The following SCAPER variants were observed in gnomAD, a reference collection of about 807,000 sequenced individuals.
SCAPER encodes the protein S phase cyclin A-associated protein in the endoplasmic reticulum.
Under a neutral mutation model 182.2 loss-of-function variants are expected in SCAPER, and 98 were observed. That is an observed-to-expected ratio of 0.54 (90% CI 0.46 to 0.64). SCAPER has a LOEUF of 0.64. SCAPER is among the 30% of genes least tolerant of loss of function. SCAPER has a pLI of 0.00. For synonymous variants in SCAPER, 605 were observed against 564.6 expected (o/e 1.07, Z -1.01); for missense variants, 1,432 against 1,690.0 (o/e 0.85, Z 2.68).
At chr15:76,825,767 C>T (rs1016676928) in intron 5 of SCAPER, among the ~76,000 whole-genome samples, 1 of 152,086 alleles carries the variant, frequency 6.6e-6, no homozygotes, top group Non-Finnish European at 1.5e-5. Flanking sequence ...TTTTTTGAGA[C>T]AGAGTCTCGC....
intron 20 of SCAPER, among the ~76,000 whole-genome samples, chr15:76,674,502 G>C (rs1316394326): frequency 6.6e-6 from 1 of 152,134 alleles, no homozygotes; most frequent in African/African-American, 2.4e-5. Flanking sequence ...CCATGTGACT[G>C]AGTACTCATC....
chr15:76,392,420 G>A (rs1453536044), intron 27 of SCAPER, among the ~76,000 whole-genome samples: 6 of 152,154 alleles, frequency 3.9e-5, no homozygotes, highest in Non-Finnish European at 8.8e-5. Flanking sequence ...ATTTTCATAT[G>A]TGAACAACAG....
chr15:76,608,528 C>T (rs1597657558), intron 22 of SCAPER, among the ~76,000 whole-genome samples: 1 of 152,280 alleles, frequency 6.6e-6, no homozygotes, highest in Non-Finnish European at 1.5e-5. Context: ...GGGAGAACCA[C>T]TACTCTCTTT....
intron 20 of SCAPER, among the ~76,000 whole-genome samples, chr15:76,667,054 G>T (rs1468159597): frequency 1.3e-5 from 2 of 152,028 alleles, no homozygotes; most frequent in African/African-American, 4.8e-5. Flanking sequence ...CTATCCTTTT[G>T]TACCAAAATT....
intron 5 of SCAPER, among the ~76,000 whole-genome samples, chr15:76,808,520 G>A (rs1473923852): frequency 6.6e-6 from 1 of 152,114 alleles, no homozygotes; most frequent in Non-Finnish European, 1.5e-5. Flanking sequence ...AAACAGGTAG[G>A]GCTCCAGCAG....
chr15:76,466,279 C>G (rs1191750155), intron 25 of SCAPER, among the ~76,000 whole-genome samples: 3 of 151,584 alleles, frequency 2.0e-5, no homozygotes, highest in African/African-American at 7.3e-5. Context: ...CTTTTTGTTC[C>G]TCTGGGTGGA....
chr15:76,771,683 G>A, intron 10 of SCAPER, 59 bp downstream of exon 10: 1 of 1,271,920 alleles, frequency 7.9e-7, no homozygotes, highest in African/African-American at 1.5e-5. Context: ...TGGGGTTTAT[G>A]CTTCTTAAAT....
rs542164750 is a variant in SCAPER, at chr15:76,604,266, A to T, written c.2711+17498T>A. Among the ~76,000 whole-genome samples the T allele has an allele frequency of 4.4e-3, 528 of 120,974 alleles. 59 individuals carry two copies. The highest frequency in any genetic ancestry group is 0.012 in the African/African-American group (496 of 39,704). The allele number at this position is 120,974 out of a possible 152,430, so 79.4% of individuals were successfully genotyped here. A position where few individuals can be genotyped will look rare whatever the true frequency, so the allele number is the denominator to read the frequency against. ...ATGGCTAGCCAGTTTGCCCAGCACCATTTATTAAATAGGGAATCCTTTCCC... is the reference window on the plus strand; with the variant it reads ...ATGGCTAGCCAGTTTGCCCAGCACCTTTTATTAAATAGGGAATCCTTTCCC... On this transcript the variant is annotated intron_variant, in intron 22 of 31. Coordinates refer to ENST00000563290, the MANE Select transcript of SCAPER (RefSeq NM_020843.4).
At chr15:76,630,909 A>G (rs898279312) in intron 21 of SCAPER, among the ~76,000 whole-genome samples, 3 of 152,126 alleles carry the variant, frequency 2.0e-5, no homozygotes, top group African/African-American at 7.2e-5. Context: ...AAAGTCTCCC[A>G]CTGCTATTGT....
At chr15:76,520,148 T>C (rs1000515767) in intron 23 of SCAPER, among the ~76,000 whole-genome samples, 1 of 152,212 alleles carries the variant, frequency 6.6e-6, no homozygotes, top group Non-Finnish European at 1.5e-5. Flanking sequence ...TCAGTTATAA[T>C]AGTGATCACT....
intron 24 of SCAPER, among the ~76,000 whole-genome samples, chr15:76,480,205 T>G (rs1316597173): frequency 6.6e-6 from 1 of 152,248 alleles, no homozygotes; most frequent in African/African-American, 2.4e-5. Flanking sequence ...CCAATGCATA[T>G]GTAATTTACT....
chr15:76,381,753 A>C, intron 27 of SCAPER, 138 bp from the exon 28 acceptor site: 1 of 703,722 alleles, frequency 1.4e-6, no homozygotes, highest in South Asian at 2.0e-5. Context: ...AAGAAACTTC[A>C]AGGAATAAAT....
chr15:76,381,668 A>G, intron 27 of SCAPER, 53 bp from the exon 28 acceptor site: 1 of 1,361,026 alleles, frequency 7.3e-7, no homozygotes, highest in Non-Finnish European at 1.0e-6. Context: ...GGATGTTAGC[A>G]ATTTGTATAG....
chr15:76,754,048 T>C (rs1433642650), intron 14 of SCAPER, 100 bp from the exon 15 acceptor site: 1 of 1,256,222 alleles, frequency 8.0e-7, no homozygotes, highest in Non-Finnish European at 1.1e-6. Context: ...ACTCTAAGCG[T>C]GGAAAAATGT....
At chr15:76,653,627 A>T (rs1459253567) in intron 21 of SCAPER, among the ~76,000 whole-genome samples, 2 of 152,224 alleles carry the variant, frequency 1.3e-5, no homozygotes, top group African/African-American at 4.8e-5. Context: ...CCCATTCGAT[A>T]AATGGTGGTG....
intron 8 of SCAPER, among the ~76,000 whole-genome samples, chr15:76,779,497 G>A (rs1209598046): frequency 6.6e-6 from 1 of 151,966 alleles, no homozygotes; most frequent in African/African-American, 2.4e-5. Flanking sequence ...ATTCAACAAA[G>A]ATAAAATAGA....
At chr15:76,812,423 G>A (rs1344433391) in intron 5 of SCAPER, among the ~76,000 whole-genome samples, 1 of 150,312 alleles carries the variant, frequency 6.7e-6, no homozygotes, top group Admixed American at 6.6e-5. Flanking sequence ...GGGAGGCAGA[G>A]GGTGCAGTGA....
At chr15:76,460,688 C>G (rs1003385170) in intron 25 of SCAPER, among the ~76,000 whole-genome samples, 1 of 152,068 alleles carries the variant, frequency 6.6e-6, no homozygotes, top group Non-Finnish European at 1.5e-5. Flanking sequence ...AGTCTCTAAG[C>G]TCTGTTCCCT....
At chr15:76,422,863 A>C (rs1384500591) in intron 26 of SCAPER, among the ~76,000 whole-genome samples, 1 of 152,188 alleles carries the variant, frequency 6.6e-6, no homozygotes, top group African/African-American at 2.4e-5. Context: ...CCTTTTCTGC[A>C]TCTGTTGAGA....
Sources: allele counts gnomAD v4.1 joint callset (sites outside exome capture counted in the v4.1 genomes callset), GRCh38; gene constraint gnomAD v4.1.1; transcripts MANE v1.5; gene names NCBI Gene and HGNC (gene_info 2026-07-23, HGNC 2026-07-21).